OR8K3: variants seen among roughly 807,000 people sequenced by gnomAD.
OR8K3 encodes the protein olfactory receptor family 8 subfamily K member 3 (gene/pseudogene), also known as olfactory receptor 8K3.
For synonymous variants in OR8K3, 167 were observed against 138.8 expected, an observed-to-expected ratio of 1.20 and a Z score of -1.43; for missense variants, 448 against 367.4, an observed-to-expected ratio of 1.22 and a Z score of -1.79.
At position 56,320,054 on chromosome 11, in the gene OR8K3, G is replaced by A. The variant is rs573726176; in HGVS notation, c.*809G>A. On this transcript the variant is annotated 3_prime_UTR_variant, in exon 3 of 3. Transcript: ENST00000641662. The stretch of plus-strand genomic sequence containing the variant: ...AACTGCCTTTTTCACAGATTTTCCC[G>A]TTATTTATCTAAAAAAAAGTAATAA... 11 of 151,964 alleles carry A rather than the reference G, an allele frequency of 7.2e-5. No homozygotes were observed. The highest frequency in any genetic ancestry group is 2.1e-4 in the South Asian group (1 of 4,818). The allele number at this position is 151,964 out of a possible 1,614,324, so 9.4% of individuals were successfully genotyped here.
rs533366100 is a variant in OR8K3, at chr11:56,318,792, G to T, written c.486G>T (p.Lys162Asn). Reference sequence around the variant, plus strand: ...TCATTTCTCTTCTAGTCACCATAAAGATTTTTACTTTATCCTTCTGTGGCT... The same window carrying T: ...TCATTTCTCTTCTAGTCACCATAAATATTTTTACTTTATCCTTCTGTGGCT... ...CTFISLLVTI[K>N]IFTLSFCGYN... The change falls in exon 3 of 3, where the codon AAG becomes AAT. Residue 162 changes from lysine (K) to asparagine (N), a missense_variant. Coordinates refer to ENST00000641662, the MANE Select transcript of OR8K3 (RefSeq NM_001005202.2). 6.2e-7 allele frequency: 1 copy of T among 1,613,962 alleles called. No homozygotes were observed.
intron 2 of OR8K3, among the ~76,000 whole-genome samples, chr11:56,316,553 G>C (rs746499158): frequency 1.3e-5 from 2 of 151,964 alleles, no homozygotes; most frequent in African/African-American, 4.8e-5. Context: ...TTATACATAT[G>C]TTAATTTGTA....
intron 2 of OR8K3, among the ~76,000 whole-genome samples, chr11:56,317,128 T>G (rs557493790): frequency 1.8e-4 from 28 of 151,984 alleles, no homozygotes; most frequent in Admixed American, 1.8e-3. Flanking sequence ...ACAAAGAAGT[T>G]AATTCATAGT....
At position 56,319,002 on chromosome 11, in the gene OR8K3, C is replaced by A. The variant is rs775040240; in HGVS notation, c.696C>A (p.Gly232=). Residue 232 remains glycine, a synonymous_variant, in exon 3 of 3, where the codon GGC becomes GGA. Coordinates refer to ENST00000641662, the MANE Select transcript of OR8K3 (RefSeq NM_001005202.2). The stretch of plus-strand genomic sequence containing the variant: ...CCATTCTCAGGATGAATTCTGCTGG[C>A]AGACAAAAGGCTTTTTCTACCTGTG... ...LVAILRMNSA[G]RQKAFSTCGA... 3 of 1,614,084 alleles carry A rather than the reference C, an allele frequency of 1.9e-6. No homozygotes were observed. Among genetic ancestry groups the A allele is most frequent in the Non-Finnish European group, 2.5e-6 (3 of 1,179,958 alleles).
rs1268513314 is a variant in OR8K3, at chr11:56,318,807, C to T, written c.501C>T (p.Ser167=). 4 of 1,614,014 alleles carry T rather than the reference C, an allele frequency of 2.5e-6. No homozygotes were observed. The highest frequency in any genetic ancestry group is 2.2e-5 in the South Asian group (2 of 91,078). ...TCACCATAAAGATTTTTACTTTATC[C>T]TTCTGTGGCTACAACGTCATTAGTC... is the stretch of plus-strand genomic sequence containing the variant. ...LLVTIKIFTL[S]FCGYNVISHF... Residue 167 remains serine, a synonymous_variant, in exon 3 of 3, where the codon TCC becomes TCT. Transcript: ENST00000641662.
At chr11:56,316,104 C>A (rs1488141525) in intron 2 of OR8K3, 47 bp downstream of exon 2, 5 of 151,884 alleles carry the variant, frequency 3.3e-5, no homozygotes, top group Non-Finnish European at 7.4e-5. Flanking sequence ...CCAAACTGTA[C>A]AAAACAAGCA....
chr11:56,319,024 T>G lies in OR8K3; in HGVS notation c.718T>G (p.Cys240Gly), dbSNP rs1177740367. The change falls in exon 3 of 3, where the codon TGT (cysteine) becomes GGT (glycine). Residue 240 changes from cysteine to glycine, a missense_variant. By Grantham distance (159) the Cys-to-Gly change is radical. Transcript: ENST00000641662. ...TGGCAGACAAAAGGCTTTTTCTACC[T>G]GTGGAGCCCACCTGACAGTGGTCAT... ...SAGRQKAFST[C>G]GAHLTVVIVF... is the part of the protein sequence containing the mutation. 3 of 1,614,178 alleles carry G rather than the reference T, an allele frequency of 1.9e-6. No homozygotes were observed. Among genetic ancestry groups the G allele is most frequent in the Non-Finnish European group, 2.5e-6 (3 of 1,180,004 alleles).
chr11:56,318,435 G>T lies in OR8K3; in HGVS notation c.129G>T (p.Leu43Phe). ...MIYVISVMGN[L>F]GMIVLTKLDS... ...ATGTGATCTCAGTGATGGGCAATTTGGGCATGATTGTCCTCACCAAGTTGG... is the reference window on the plus strand; with the variant it reads ...ATGTGATCTCAGTGATGGGCAATTTTGGCATGATTGTCCTCACCAAGTTGG... Residue 43 changes from leucine to phenylalanine, a missense_variant, in exon 3 of 3, where the codon TTG becomes TTT. Coordinates refer to ENST00000641662, the MANE Select transcript of OR8K3 (RefSeq NM_001005202.2). The T allele has an allele frequency of 6.2e-7, 1 of 1,613,960 alleles. No homozygotes were observed. Among genetic ancestry groups the T allele is most frequent in the African/African-American group, 1.3e-5 (1 of 75,018 alleles).
In OR8K3 at chr11:56,319,081, G is replaced by C; in HGVS notation, c.775G>C (p.Val259Leu). ...VFYGTLLFMYVQPKSSHSFDT... is the reference protein window; with the variant it reads ...VFYGTLLFMYLQPKSSHSFDT... ...CTATGGGACTTTGCTTTTCATGTAC[G>C]TGCAGCCCAAGTCCAGTCATTCCTT... is the stretch of plus-strand genomic sequence containing the variant. Residue 259 changes from valine to leucine, a missense_variant, in exon 3 of 3, where the codon GTG becomes CTG. Val to Leu is a conservative substitution (Grantham distance 32). Transcript: ENST00000641662. 1 of 1,614,028 alleles carries C rather than the reference G, an allele frequency of 6.2e-7. No homozygotes were observed. The highest frequency in any genetic ancestry group is 1.1e-5 in the South Asian group (1 of 91,078).
Position 56,319,434 on chromosome 11 carries a change from G to A in OR8K3, c.*189G>A. 1.8e-6 allele frequency: 1 copy of A among 566,514 alleles called. No individual in the cohort carries two copies. Among genetic ancestry groups the A allele is most frequent in the Non-Finnish European group, 3.1e-6 (1 of 319,462 alleles). 35.1% of individuals were successfully genotyped at this position (566,514 alleles called of 1,614,324 possible). ...GTAGAAATCTTTGCCTTCCTTGATGGATAGATGAATTGTATTCACAATAAG... is the reference window on the plus strand; with the variant it reads ...GTAGAAATCTTTGCCTTCCTTGATGAATAGATGAATTGTATTCACAATAAG... On this transcript the variant is annotated 3_prime_UTR_variant, in exon 3 of 3. Coordinates refer to ENST00000641662, the MANE Select transcript of OR8K3 (RefSeq NM_001005202.2).
intron 2 of OR8K3, among the ~76,000 whole-genome samples, 173 bp downstream of exon 2, chr11:56,316,230 G>A (rs1269724840): frequency 6.6e-6 from 1 of 151,888 alleles, no homozygotes; most frequent in Non-Finnish European, 1.5e-5. Context: ...TGTGTTCATT[G>A]AGTCAGGGTA....
rs755116046 is a variant in OR8K3, at chr11:56,318,567, G to A, written c.261G>A (p.Val87=). ...VGPKMLVNFV[V]DKNIISYYFC... ...CCAAAATGTTAGTAAATTTTGTTGT[G>A]GATAAGAATATAATTTCTTATTATT... Residue 87 remains valine, a synonymous_variant, in exon 3 of 3, where the codon GTG becomes GTA. Coordinates refer to ENST00000641662, the MANE Select transcript of OR8K3 (RefSeq NM_001005202.2). 1 of 1,612,852 alleles carries A rather than the reference G, an allele frequency of 6.2e-7. No homozygotes were observed. Among genetic ancestry groups the A allele is most frequent in the Non-Finnish European group, 8.5e-7 (1 of 1,179,286 alleles).
At chr11:56,317,043 G>A (rs1854453215) in intron 2 of OR8K3, among the ~76,000 whole-genome samples, 1 of 151,958 alleles carries the variant, frequency 6.6e-6, no homozygotes, top group Non-Finnish European at 1.5e-5. Flanking sequence ...TGGGGGAGGG[G>A]AGAAGAACTG....
At position 56,319,333 on chromosome 11, in the gene OR8K3, AT is replaced by A; in HGVS notation, c.*90del. Reference sequence around the variant, plus strand: ...CCAGAAGACATAACAAGCATAACTGATTCAACATATATTTACATATGTCTCA... The same window carrying A: ...CCAGAAGACATAACAAGCATAACTGATCAACATATATTTACATATGTCTCA... On this transcript the variant is annotated 3_prime_UTR_variant, in exon 3 of 3. Coordinates refer to ENST00000641662, the MANE Select transcript of OR8K3 (RefSeq NM_001005202.2). 1.5e-6 allele frequency: 1 copy of A among 671,412 alleles called. No homozygotes were observed. Among genetic ancestry groups the A allele is most frequent in the East Asian group, 2.7e-5 (1 of 36,904 alleles). The allele number at this position is 671,412 out of a possible 1,614,324, so 41.6% of individuals were successfully genotyped here.
chr11:56,319,149 C>A lies in OR8K3; in HGVS notation c.843C>A (p.Ile281=). 1 of 1,612,960 alleles carries A rather than the reference C, an allele frequency of 6.2e-7. No homozygotes were observed. Reference sequence around the variant, plus strand: ...CTTCCATATTTTACACCCTGGTTATCCCCATGTTGAATCCCTTGATCTATA... The same window carrying A: ...CTTCCATATTTTACACCCTGGTTATACCCATGTTGAATCCCTTGATCTATA... The part of the protein sequence containing the change: ...KVASIFYTLV[I]PMLNPLIYSL... Residue 281 remains isoleucine (I), a synonymous_variant, in exon 3 of 3, where the codon ATC becomes ATA. Transcript: ENST00000641662.
chr11:56,320,360 C>A lies in OR8K3; in HGVS notation c.*1115C>A, dbSNP rs756735018. On this transcript the variant is annotated 3_prime_UTR_variant, in exon 3 of 3. Coordinates refer to ENST00000641662, the MANE Select transcript of OR8K3 (RefSeq NM_001005202.2). ...GTCCTTTGACAGTTACAGACCTTCACCATGCAAGTGAGGTCTGATCTGTAT... is the reference window on the plus strand; with the variant it reads ...GTCCTTTGACAGTTACAGACCTTCAACATGCAAGTGAGGTCTGATCTGTAT... 1 of 152,220 alleles carries A rather than the reference C, an allele frequency of 6.6e-6. No homozygotes were observed. The highest frequency in any genetic ancestry group is 1.5e-5 in the Non-Finnish European group (1 of 68,034). The allele number at this position is 152,220 out of a possible 1,614,324, so 9.4% of individuals were successfully genotyped here. A position where few individuals can be genotyped will look rare whatever the true frequency, so the allele number is the denominator to read the frequency against.
At position 56,318,943 on chromosome 11, in the gene OR8K3, A is replaced by G. The variant is rs747461195; in HGVS notation, c.637A>G (p.Ile213Val). Residue 213 changes from isoleucine (I) to valine (V), a missense_variant, in exon 3 of 3, where the codon ATA becomes GTA. Ile to Val is a conservative substitution (Grantham distance 29, BLOSUM62 3). Transcript: ENST00000641662. ...AAIDLISSLLIVLLSYLLILV... is the reference protein window; with the variant it reads ...AAIDLISSLLVVLLSYLLILV... ...TATTGATTTGATTTCATCTCTTCTG[A>G]TAGTTCTTTTATCTTACCTGCTCAT... The G allele has an allele frequency of 1.9e-6, 3 of 1,614,038 alleles. No individual in the cohort carries two copies. The highest frequency in any genetic ancestry group is 2.5e-6 in the Non-Finnish European group (3 of 1,180,002).
In OR8K3 at chr11:56,319,062, G is replaced by T. The variant is rs774256355; in HGVS notation, c.756G>T (p.Gly252=). ...TGACAGTGGTCATAGTGTTCTATGG[G>T]ACTTTGCTTTTCATGTACGTGCAGC... is the stretch of plus-strand genomic sequence containing the variant. ...AHLTVVIVFY[G]TLLFMYVQPK... is the part of the protein sequence containing the mutation. Residue 252 remains glycine, a synonymous_variant, in exon 3 of 3, where the codon GGG becomes GGT. Transcript: ENST00000641662. 6.2e-7 allele frequency: 1 copy of T among 1,614,064 alleles called. No homozygotes were observed. Among genetic ancestry groups the T allele is most frequent in the South Asian group, 1.1e-5 (1 of 91,074 alleles).
intron 2 of OR8K3, among the ~76,000 whole-genome samples, chr11:56,317,701 A>G (rs1439133798): frequency 6.6e-6 from 1 of 152,186 alleles, no homozygotes; most frequent in Non-Finnish European, 1.5e-5. Flanking sequence ...CTCTAAAAAC[A>G]TAGTACAATA....
Sources: allele counts gnomAD v4.1 joint callset (sites outside exome capture counted in the v4.1 genomes callset), GRCh38; gene constraint gnomAD v4.1.1; transcripts MANE v1.5; gene names NCBI Gene and HGNC (gene_info 2026-07-23, HGNC 2026-07-21).